The following PGM5 variants were observed in gnomAD, a reference collection of about 807,000 sequenced individuals.
The protein encoded by PGM5 is phosphoglucomutase-like protein 5.
Under a neutral mutation model 59.2 loss-of-function variants are expected in PGM5, and 23 were observed. The observed-to-expected ratio is 0.39, with a 90% CI of 0.28 to 0.55. The LOEUF is 0.55. Among genes scored for constraint, PGM5 ranks in the 20% least tolerant of loss-of-function variants. PGM5 has a pLI of 0.66. For missense variants in PGM5, 574 were observed against 748.3 expected, an observed-to-expected ratio of 0.77 and a Z score of 2.72; for synonymous variants, 214 against 286.0, an observed-to-expected ratio of 0.75 and a Z score of 2.54.
At chr9:68,512,751 C>T (rs1477742584) in intron 10 of PGM5, among the ~76,000 whole-genome samples, 2 of 152,156 alleles carry the variant, frequency 1.3e-5, no homozygotes, top group Non-Finnish European at 2.9e-5. Flanking sequence ...CAATTAGGAC[C>T]TCAACGTATG....
intron 10 of PGM5, among the ~76,000 whole-genome samples, chr9:68,504,652 G>C (rs1824627910): frequency 6.6e-6 from 1 of 152,032 alleles, no homozygotes; most frequent in Non-Finnish European, 1.5e-5. Context: ...CTCACATGCA[G>C]GTACTTCTTA....
intron 6 of PGM5, among the ~76,000 whole-genome samples, chr9:68,431,959 G>A (rs975504131): frequency 5.3e-5 from 8 of 152,158 alleles, no homozygotes; most frequent in Non-Finnish European, 2.9e-5. Flanking sequence ...TCTACTCCTG[G>A]AATTTTTACA....
chr9:68,383,370 G>A (rs1822126756), intron 2 of PGM5, among the ~76,000 whole-genome samples: 1 of 152,082 alleles, frequency 6.6e-6, no homozygotes, highest in African/African-American at 2.4e-5. Flanking sequence ...ATTATACCAT[G>A]TCATCAATAT....
chr9:68,419,262 T>C (rs1823087995), intron 6 of PGM5, among the ~76,000 whole-genome samples: 1 of 152,212 alleles, frequency 6.6e-6, no homozygotes, highest in Non-Finnish European at 1.5e-5. Flanking sequence ...ACTTTTTTTT[T>C]CCACCAAGTT....
intron 1 of PGM5, among the ~76,000 whole-genome samples, chr9:68,370,575 T>TA (rs1408220529): frequency 6.6e-6 from 1 of 152,166 alleles, no homozygotes; most frequent in Non-Finnish European, 1.5e-5. Context: ...ATAAGATCAT[T>TA]AAAAAACCAT....
intron 9 of PGM5, among the ~76,000 whole-genome samples, chr9:68,488,142 A>G (rs1237718317): frequency 1.3e-5 from 2 of 152,034 alleles, no homozygotes; most frequent in African/African-American, 4.8e-5. Flanking sequence ...AGAAAAGCAG[A>G]AAAAAAACAC....
In PGM5 at chr9:68,447,955, G is replaced by A. The variant is rs563715840; in HGVS notation, c.1044-17138G>A. On this transcript the variant is annotated intron_variant, in intron 6 of 10. Transcript: ENST00000396396. ...AATACAGGCATTTGGGTTGCCAGGG[G>A]CAGAAACAAATTAAATTGGAGCAAA... Among the ~76,000 whole-genome samples, 6 of 152,270 alleles carry A rather than the reference G, an allele frequency of 3.9e-5. No homozygotes were observed. In the East Asian group the frequency reaches 1.2e-3, roughly 29 times the overall value.
intron 8 of PGM5, among the ~76,000 whole-genome samples, chr9:68,481,592 A>G (rs984373349): frequency 1.2e-4 from 19 of 152,216 alleles, no homozygotes; most frequent in African/African-American, 4.3e-4. Context: ...GTTCCTCATA[A>G]TTTGTGGAAT....
At chr9:68,414,242 T>C (rs2258414) in intron 6 of PGM5, among the ~76,000 whole-genome samples, 8 of 152,220 alleles carry the variant, frequency 5.3e-5, no homozygotes, top group Non-Finnish European at 8.8e-5. Flanking sequence ...ATGAGCTAAA[T>C]AGACCTCTTT....
chr9:68,368,419 G>A (rs1158889452), intron 1 of PGM5, among the ~76,000 whole-genome samples: 2 of 151,238 alleles, frequency 1.3e-5, no homozygotes, highest in Non-Finnish European at 3.0e-5. Flanking sequence ...GTAGCAAGCC[G>A]GTTCGGCAGT....
chr9:68,415,910 A>C (rs1823021875), intron 6 of PGM5, among the ~76,000 whole-genome samples: 1 of 151,482 alleles, frequency 6.6e-6, no homozygotes, highest in South Asian at 2.1e-4. Context: ...TAATTGAATT[A>C]ATCCCATCCT....
At chr9:68,451,614 A>G (rs1823697255) in intron 6 of PGM5, among the ~76,000 whole-genome samples, 1 of 152,234 alleles carries the variant, frequency 6.6e-6, no homozygotes, top group Admixed American at 6.5e-5. Flanking sequence ...AGGGCACACA[A>G]TTGGAAAAAA....
intron 1 of PGM5, among the ~76,000 whole-genome samples, chr9:68,362,553 C>T (rs1450691607): frequency 3.9e-5 from 6 of 152,072 alleles, no homozygotes; most frequent in Non-Finnish European, 4.4e-5. Flanking sequence ...TATCTTTAAA[C>T]GAATTGTGGT....
intron 6 of PGM5, chr9:68,397,802 A>G (rs1345403275): frequency 8.5e-5 from 13 of 152,202 alleles, no homozygotes; most frequent in African/African-American, 3.1e-4. Context: ...GAGATTAGGC[A>G]TAGGACCAAA....
chr9:68,442,990 C>T (rs1408843653), intron 6 of PGM5, among the ~76,000 whole-genome samples: 1 of 152,158 alleles, frequency 6.6e-6, no homozygotes, highest in African/African-American at 2.4e-5. Context: ...AGCAGTTTGT[C>T]AATTGCTTAT....
At chr9:68,419,647 G>A (rs1302848822) in intron 6 of PGM5, among the ~76,000 whole-genome samples, 3 of 152,162 alleles carry the variant, frequency 2.0e-5, no homozygotes, top group African/African-American at 7.2e-5. Flanking sequence ...GCATTCCCTG[G>A]TAACCAGCAT....
chr9:68,390,663 A>G (rs1470980227), intron 4 of PGM5, among the ~76,000 whole-genome samples: 1 of 152,192 alleles, frequency 6.6e-6, no homozygotes. Context: ...GCTGTTCCAC[A>G]GATGTGCCTT....
chr9:68,418,710 T>TG lies in PGM5; in HGVS notation c.1043+26242dup, dbSNP rs567723128. 4.0e-5 allele frequency among the ~76,000 whole-genome samples: 6 copies of TG among 151,858 alleles called. No individual in the cohort carries two copies. In the South Asian group the frequency reaches 1.3e-3, roughly 32 times the overall value. ...CTCCTTCTGAATGCCCTCTGAGCCC[T>TG]GGGGGTCTTATCAGCTGGCTGCGGC... On this transcript the variant is annotated intron_variant, in intron 6 of 10. Coordinates refer to ENST00000396396, the MANE Select transcript of PGM5 (RefSeq NM_021965.4).
intron 6 of PGM5, chr9:68,428,710 G>T (rs1554682845): frequency 6.6e-6 from 1 of 152,124 alleles, no homozygotes; most frequent in East Asian, 1.9e-4. Flanking sequence ...TCTTAATGTT[G>T]GTTCTTAATG....
Sources: gnomAD v4.1 joint callset for allele counts (sites outside exome capture counted in the v4.1 genomes callset) on GRCh38, gnomAD v4.1.1 for gene constraint, MANE v1.5 for transcripts, NCBI Gene and HGNC (gene_info 2026-07-23, HGNC 2026-07-21) for gene names.